Variants in CSRNP3 observed in about 807,000 individuals in gnomAD.
CSRNP3 encodes the protein cysteine and serine rich nuclear protein 3, also known as cysteine/serine-rich nuclear protein 3.
A neutral mutation model predicts 48.0 loss-of-function variants in CSRNP3; 12 were observed. The ratio of observed to expected loss-of-function variants is 0.25; its 90% CI spans 0.16 to 0.41. The LOEUF (loss-of-function observed/expected upper bound fraction) is 0.41. Ranked by LOEUF, CSRNP3 falls within the 10% of genes least tolerant of loss-of-function variation. The pLI, the probability that CSRNP3 is intolerant of heterozygous loss-of-function variation, is 1.00. For missense variants in CSRNP3, 580 were observed against 724.4 expected, an observed-to-expected ratio of 0.80 and a Z score of 2.29; for synonymous variants, 263 against 269.7, an observed-to-expected ratio of 0.98 and a Z score of 0.24.
In CSRNP3 at chr2:165,679,105, CGAG is replaced by C. The variant is rs747260492; in HGVS notation, c.1122_1124del (p.Glu383del). 58 of 1,612,220 alleles carry C rather than the reference CGAG, an allele frequency of 3.6e-5. 1 individual carries two copies. Among genetic ancestry groups the C allele is most frequent in the East Asian group, 8.9e-5 (4 of 44,766 alleles). On this transcript the variant is annotated inframe_deletion, in exon 7 of 7. Transcript: ENST00000651982. Reference sequence around the variant, plus strand: ...AAAGCTTGGCACCTAGTGAGTCAGACGAGGAGGAGGAGGAAGAAGAAGAGGAAG... The same window carrying C: ...AAAGCTTGGCACCTAGTGAGTCAGACGAGGAGGAGGAAGAAGAAGAGGAAG...
intron 3 of CSRNP3, among the ~76,000 whole-genome samples, chr2:165,583,586 A>G (rs1685580964): frequency 6.6e-6 from 1 of 152,198 alleles, no homozygotes; most frequent in South Asian, 2.1e-4. Flanking sequence ...TGAGGGTAAC[A>G]TGGCAAGATT....
Position 165,687,021 on chromosome 2 carries a change from GT to G in CSRNP3, c.*7271del. On this transcript the variant is annotated 3_prime_UTR_variant, in exon 7 of 7. Transcript: ENST00000651982. ...ATTCTTAACATCTCTAGGGAAGGCAGTTTCCTTGGCAACACAATTCAGCTCT... is the reference window on the plus strand; with the variant it reads ...ATTCTTAACATCTCTAGGGAAGGCAGTTCCTTGGCAACACAATTCAGCTCT... 6.6e-6 allele frequency: 1 copy of G among 152,190 alleles called. No individual in the cohort carries two copies. Among genetic ancestry groups the G allele is most frequent in the African/African-American group, 2.4e-5 (1 of 41,560 alleles). The allele number at this position is 152,190 out of a possible 1,614,324, so 9.4% of individuals were successfully genotyped here. A position where few individuals can be genotyped will look rare whatever the true frequency, so the allele number is the denominator to read the frequency against.
chr2:165,559,460 C>T (rs1685201959), intron 3 of CSRNP3, among the ~76,000 whole-genome samples: 1 of 152,080 alleles, frequency 6.6e-6, no homozygotes, highest in South Asian at 2.1e-4. Context: ...ACTGATAAAA[C>T]TTTAAATACA....
intron 3 of CSRNP3, among the ~76,000 whole-genome samples, chr2:165,556,279 A>G (rs965880286): frequency 6.6e-6 from 1 of 152,112 alleles, no homozygotes; most frequent in African/African-American, 2.4e-5. Flanking sequence ...GCAAGAGGAG[A>G]GGGATGTATG....
rs1171791787 is a variant in CSRNP3, at chr2:165,684,427, A to G, written c.*4674A>G. The stretch of plus-strand genomic sequence containing the variant: ...CTTGATGACAGTTTGCAGTGCCATT[A>G]TAGCCAGTGTATTAAATACCAGGCT... On this transcript the variant is annotated 3_prime_UTR_variant, in exon 7 of 7. Transcript: ENST00000651982. 2 of 152,138 alleles carry G rather than the reference A, an allele frequency of 1.3e-5. No individual in the cohort carries two copies. Among genetic ancestry groups the G allele is most frequent in the African/African-American group, 4.8e-5 (2 of 41,452 alleles). The allele number at this position is 152,138 out of a possible 1,614,324, so 9.4% of individuals were successfully genotyped here.
At chr2:165,558,774 G>C (rs1373056775) in intron 3 of CSRNP3, among the ~76,000 whole-genome samples, 1 of 152,128 alleles carries the variant, frequency 6.6e-6, no homozygotes, top group Admixed American at 6.5e-5. Flanking sequence ...ATAGTGAATG[G>C]GAAAATTAAT....
chr2:165,670,860 A>G (rs576308333), intron 5 of CSRNP3, among the ~76,000 whole-genome samples: 79 of 152,154 alleles, frequency 5.2e-4, no homozygotes, highest in African/African-American at 1.9e-3. Flanking sequence ...TTTTTTGCAG[A>G]CTTGCTTTGA....
Position 165,679,854 on chromosome 2 carries a change from C to T in CSRNP3, c.*101C>T. The T allele has an allele frequency of 6.7e-7, 1 of 1,486,170 alleles. No individual in the cohort carries two copies. The highest frequency in any genetic ancestry group is 9.0e-7 in the Non-Finnish European group (1 of 1,113,190). 92.1% of individuals were successfully genotyped at this position (1,486,170 alleles called of 1,614,324 possible). On this transcript the variant is annotated 3_prime_UTR_variant, in exon 7 of 7. Transcript: ENST00000651982. ...TTGTTTAAACTGAAGACCAAGAAAA[C>T]TTGGACGGTGGTTAATCTTCCAGAC...
At position 165,657,758 on chromosome 2, in the gene CSRNP3, C is replaced by T. The variant is rs373310534; in HGVS notation, c.149-3C>T. ...TTCACAGGATTGTTTCTTTCTCTTT[C>T]AGCTTCCTCCATTCTCAAAAGGGAG... is the stretch of plus-strand genomic sequence containing the variant. On this transcript the variant is annotated splice_polypyrimidine_tract_variant and splice_region_variant and intron_variant, in intron 4 of 6. Coordinates refer to ENST00000651982, the MANE Select transcript of CSRNP3 (RefSeq NM_001172173.2). 3.7e-6 allele frequency: 6 copies of T among 1,612,016 alleles called. No homozygotes were observed. In the African/African-American group the frequency reaches 6.7e-5, roughly 18 times the overall value.
Position 165,687,675 on chromosome 2 carries a change from A to G in CSRNP3, c.*7922A>G, listed in dbSNP as rs1411061373. Reference sequence around the variant, plus strand: ...CAGCCTTTGTCCTTGTGTTATTTAAACAATGGCTTCCTGCTTTCTCAGGGG... The same window carrying G: ...CAGCCTTTGTCCTTGTGTTATTTAAGCAATGGCTTCCTGCTTTCTCAGGGG... On this transcript the variant is annotated 3_prime_UTR_variant, in exon 7 of 7. Transcript: ENST00000651982. 6.6e-6 allele frequency: 1 copy of G among 152,086 alleles called. No individual in the cohort carries two copies. Among genetic ancestry groups the G allele is most frequent in the Non-Finnish European group, 1.5e-5 (1 of 67,994 alleles). The allele number at this position is 152,086 out of a possible 1,614,324, so 9.4% of individuals were successfully genotyped here. A position where few individuals can be genotyped will look rare whatever the true frequency, so the allele number is the denominator to read the frequency against.
At chr2:165,643,787 C>T (rs1686767620) in intron 4 of CSRNP3, among the ~76,000 whole-genome samples, 1 of 152,176 alleles carries the variant, frequency 6.6e-6, no homozygotes, top group Non-Finnish European at 1.5e-5. Flanking sequence ...TATGTCTCAT[C>T]ACCATTACCC....
intron 5 of CSRNP3, among the ~76,000 whole-genome samples, chr2:165,672,711 T>A (rs1687351281): frequency 6.6e-6 from 1 of 152,166 alleles, no homozygotes; most frequent in African/African-American, 2.4e-5. Context: ...GTAATTGATG[T>A]GAGTGGGTGG....
chr2:165,515,321 C>CAA (rs373110199), intron 2 of CSRNP3, among the ~76,000 whole-genome samples: 3 of 100,844 alleles, frequency 3.0e-5, no homozygotes, highest in Admixed American at 1.1e-4. Context: ...GACTCCATCT[C>CAA]AAAAAAAAAA....
At chr2:165,640,942 A>G (rs181147587) in intron 4 of CSRNP3, among the ~76,000 whole-genome samples, 2 of 152,328 alleles carry the variant, frequency 1.3e-5, no homozygotes, top group East Asian at 1.9e-4. Flanking sequence ...ATTCATACCT[A>G]TAAAGCAATA....
chr2:165,521,741 G>A (rs374840743), intron 3 of CSRNP3, among the ~76,000 whole-genome samples: 1 of 152,148 alleles, frequency 6.6e-6, no homozygotes, highest in Non-Finnish European at 1.5e-5. Flanking sequence ...TATTGGGGGA[G>A]GGGAGAGAGC....
chr2:165,580,572 C>T (rs1208572866), intron 3 of CSRNP3, among the ~76,000 whole-genome samples: 4 of 152,124 alleles, frequency 2.6e-5, no homozygotes, highest in African/African-American at 9.7e-5. Flanking sequence ...GGGTATAGTT[C>T]TAAAGCTTGC....
chr2:165,623,438 G>A (rs921403109), intron 4 of CSRNP3, among the ~76,000 whole-genome samples: 1 of 152,098 alleles, frequency 6.6e-6, no homozygotes, highest in Non-Finnish European at 1.5e-5. Context: ...GAATTATCCC[G>A]AAACCATCCC....
At chr2:165,571,359 C>T (rs954339101) in intron 3 of CSRNP3, among the ~76,000 whole-genome samples, 1 of 151,692 alleles carries the variant, frequency 6.6e-6, no homozygotes, top group Non-Finnish European at 1.5e-5. Context: ...GATAAGAAAT[C>T]GATGTTTTAA....
At chr2:165,474,030 A>G (rs1426390901) in intron 1 of CSRNP3, among the ~76,000 whole-genome samples, 2 of 152,102 alleles carry the variant, frequency 1.3e-5, no homozygotes, top group African/African-American at 4.8e-5. Flanking sequence ...CTTATTTCCA[A>G]TAAGCTCTTA....
Sources: gnomAD v4.1 joint callset for allele counts (sites outside exome capture counted in the v4.1 genomes callset) on GRCh38, gnomAD v4.1.1 for gene constraint, MANE v1.5 for transcripts, NCBI Gene and HGNC (gene_info 2026-07-23, HGNC 2026-07-21) for gene names.